Variants in BUB3 observed in about 807,000 individuals in gnomAD.
The protein encoded by BUB3 is mitotic checkpoint protein BUB3.
Under a neutral mutation model 39.9 loss-of-function variants are expected in BUB3, and 22 were observed. The ratio of observed to expected loss-of-function variants is 0.55; its 90% CI spans 0.39 to 0.79. The LOEUF is 0.79. BUB3 is among the 30% of genes least tolerant of loss of function. BUB3 has a pLI of 0.00. For missense variants in BUB3, 303 were observed against 415.4 expected (o/e 0.73, Z 2.35); for synonymous variants, 168 against 155.1 (o/e 1.08, Z -0.62).
Position 123,154,905 on chromosome 10 carries a change from G to C in BUB3, c.1-13G>C, listed in dbSNP as rs556338094. 1.2e-6 allele frequency: 2 copies of C among 1,607,980 alleles called. No individual in the cohort carries two copies. Among genetic ancestry groups the C allele is most frequent in the Non-Finnish European group, 8.5e-7 (1 of 1,176,734 alleles). The stretch of plus-strand genomic sequence containing the variant: ...CGCGGGACCCCTGGGGACTCTGGGC[G>C]CCTGTTCTGCAGATGACCGGTTCTA... On this transcript the variant is annotated splice_polypyrimidine_tract_variant and intron_variant, in intron 1 of 7. Coordinates refer to ENST00000368865, the MANE Select transcript of BUB3 (RefSeq NM_004725.4).
At position 123,154,940 on chromosome 10, in the gene BUB3, A is replaced by G. The variant is rs867858684; in HGVS notation, c.23A>G (p.Lys8Arg). 20 of 1,613,852 alleles carry G rather than the reference A, an allele frequency of 1.2e-5. No homozygotes were observed. The Admixed American group carries it at 1.3e-4, about 11-fold the overall frequency. Reference protein sequence around the residue: MTGSNEFKLNQPPEDGIS... With the variant: MTGSNEFRLNQPPEDGIS... ...CAGATGACCGGTTCTAACGAGTTCA[A>G]GCTGAACCAGCCACCCGAGGATGGC... The change falls in exon 2 of 8, where the codon AAG becomes AGG. Residue 8 changes from lysine to arginine, a missense_variant. Lys to Arg is a conservative substitution (Grantham distance 26). Coordinates refer to ENST00000368865, the MANE Select transcript of BUB3 (RefSeq NM_004725.4).
intron 1 of BUB3, 54 bp from the exon 2 acceptor site, chr10:123,154,864 G>T (rs1844326737): frequency 2.6e-6 from 4 of 1,551,344 alleles, no homozygotes; most frequent in Non-Finnish European, 2.6e-6. Flanking sequence ...CAGGCTGTCA[G>T]TGCGCAGCCC....
intron 4 of BUB3, among the ~76,000 whole-genome samples, chr10:123,158,415 G>A (rs1844377751): frequency 6.6e-6 from 1 of 152,178 alleles, no homozygotes; most frequent in Non-Finnish European, 1.5e-5. Context: ...AGTGAACAAA[G>A]CTTTTTAAAA....
chr10:123,156,411 T>C (rs1450261679), intron 3 of BUB3, among the ~76,000 whole-genome samples: 1 of 152,100 alleles, frequency 6.6e-6, no homozygotes, highest in African/African-American at 2.4e-5. Flanking sequence ...GATAGGAGGG[T>C]ACAGAGATAT....
At chr10:123,159,770 C>T (rs929441266) in intron 4 of BUB3, among the ~76,000 whole-genome samples, 3 of 152,120 alleles carry the variant, frequency 2.0e-5, no homozygotes, top group Non-Finnish European at 4.4e-5. Flanking sequence ...ACAAGAATTG[C>T]TTTGTCATAT....
chr10:123,161,866 G>A (rs962538698), intron 5 of BUB3, among the ~76,000 whole-genome samples: 2 of 152,278 alleles, frequency 1.3e-5, no homozygotes, highest in Non-Finnish European at 2.9e-5. Flanking sequence ...ACAGTTGTTC[G>A]CGATGAAGAG....
chr10:123,154,903 G>A lies in BUB3; in HGVS notation c.1-15G>A. 6.4e-7 allele frequency: 1 copy of A among 1,562,768 alleles called. No individual in the cohort carries two copies. Among genetic ancestry groups the A allele is most frequent in the East Asian group, 2.4e-5 (1 of 42,044 alleles). On this transcript the variant is annotated splice_polypyrimidine_tract_variant and intron_variant, in intron 1 of 7. Transcript: ENST00000368865. ...CCCGCGGGACCCCTGGGGACTCTGG[G>A]CGCCTGTTCTGCAGATGACCGGTTC...
intron 4 of BUB3, among the ~76,000 whole-genome samples, chr10:123,158,191 G>A (rs182772224): frequency 1.8e-3 from 275 of 152,266 alleles, no homozygotes; most frequent in African/African-American, 6.3e-3. Context: ...CAGACTGTTC[G>A]ATTGTCTTAA....
intron 4 of BUB3, among the ~76,000 whole-genome samples, chr10:123,158,469 A>G (rs138522150): frequency 6.6e-5 from 10 of 152,362 alleles, no homozygotes; most frequent in African/African-American, 1.9e-4. Context: ...CTGTATGATA[A>G]AAGTGTAATT....
rs1377122444 is a variant in BUB3, at chr10:123,168,613, G to T, written c.*4778G>T. ...GCCCAGGCTGGAGTGCAAGTGGCGC[G>T]ATCTCCGCTCATTGCAAGCTCCGCC... is the stretch of plus-strand genomic sequence containing the variant. On this transcript the variant is annotated 3_prime_UTR_variant, in exon 8 of 8. Coordinates refer to ENST00000368865, the MANE Select transcript of BUB3 (RefSeq NM_004725.4). 6.6e-6 allele frequency: 1 copy of T among 152,014 alleles called. No individual in the cohort carries two copies. Among genetic ancestry groups the T allele is most frequent in the South Asian group, 2.1e-4 (1 of 4,818 alleles). 9.4% of individuals were successfully genotyped at this position (152,014 alleles called of 1,614,324 possible).
rs1235636908 is a variant in BUB3, at chr10:123,164,195, T to C, written c.*360T>C. ...CTTTGCATTCTTTCTGGACCTTAAA[T>C]GGTAGAGGAAAAGGCTCGTGAGCCA... On this transcript the variant is annotated 3_prime_UTR_variant, in exon 8 of 8. Transcript: ENST00000368865. 7.0e-6 allele frequency: 7 copies of C among 1,005,148 alleles called. No individual in the cohort carries two copies. In the East Asian group the frequency reaches 6.0e-4, roughly 86 times the overall value. The allele number at this position is 1,005,148 out of a possible 1,614,324, so 62.3% of individuals were successfully genotyped here.
chr10:123,154,809 C>T, intron 1 of BUB3, 109 bp from the exon 2 acceptor site: 1 of 1,204,720 alleles, frequency 8.3e-7, no homozygotes, highest in Non-Finnish European at 1.2e-6. Context: ...AGAGTCTCCT[C>T]GCGGTCGTCC....
chr10:123,163,801 T>A lies in BUB3; in HGVS notation c.972-19T>A. ...CCATTTTGATCTCATGCTGTTCTTTTTTTCTTTTGAACTTGTAGGTCACCA... is the reference window on the plus strand; with the variant it reads ...CCATTTTGATCTCATGCTGTTCTTTATTTCTTTTGAACTTGTAGGTCACCA... On this transcript the variant is annotated intron_variant, in intron 7 of 7. Transcript: ENST00000368865. 1 of 1,600,698 alleles carries A rather than the reference T, an allele frequency of 6.2e-7. No individual in the cohort carries two copies. The highest frequency in any genetic ancestry group is 8.6e-7 in the Non-Finnish European group (1 of 1,169,196).
In BUB3 at chr10:123,157,855, C is replaced by T; in HGVS notation, c.392C>T (p.Ala131Val). The T allele has an allele frequency of 6.2e-7, 1 of 1,613,482 alleles. No individual in the cohort carries two copies. The highest frequency in any genetic ancestry group is 1.1e-5 in the South Asian group (1 of 90,882). The change falls in exon 4 of 8, where the codon GCT (alanine) becomes GTT (valine). Residue 131 changes from alanine to valine, a missense_variant. Physicochemically the swap from Ala to Val is moderately conservative, Grantham distance 64. Around this residue, in one of 2 missense-constraint regions of BUB3, gnomAD observed 182 missense variants for 293.1 expected, o/e 0.62. Coordinates refer to ENST00000368865, the MANE Select transcript of BUB3 (RefSeq NM_004725.4). ...TGGGATCCCAGAACTCCTTGTAATGCTGGGACCTTCTCTCAGCCTGAAAAG... is the reference window on the plus strand; with the variant it reads ...TGGGATCCCAGAACTCCTTGTAATGTTGGGACCTTCTCTCAGCCTGAAAAG... Reference protein sequence around the residue: ...KLWDPRTPCNAGTFSQPEKVY... With the variant: ...KLWDPRTPCNVGTFSQPEKVY...
chr10:123,160,476 G>T lies in BUB3; in HGVS notation c.487G>T (p.Asp163Tyr). ...AGCAGGCCGCAGAGTGTTGGTGTGG[G>T]ACTTACGGAACATGGGTTACGTGCA... Reference protein sequence around the residue: ...GTAGRRVLVWDLRNMGYVQQR... With the variant: ...GTAGRRVLVWYLRNMGYVQQR... Residue 163 changes from aspartate (D) to tyrosine (Y), a missense_variant, in exon 5 of 8, where the codon GAC (aspartate) becomes TAC (tyrosine). By Grantham distance (160) the Asp-to-Tyr change is radical (BLOSUM62 -3). Transcript: ENST00000368865. 6.2e-7 allele frequency: 1 copy of T among 1,613,504 alleles called. No homozygotes were observed. Among genetic ancestry groups the T allele is most frequent in the Non-Finnish European group, 8.5e-7 (1 of 1,179,946 alleles).
At chr10:123,155,171 G>A in intron 2 of BUB3, 59 bp downstream of exon 2, 1 of 1,553,582 alleles carries the variant, frequency 6.4e-7, no homozygotes, top group Non-Finnish European at 8.7e-7. Context: ...CTCCACGTGA[G>A]GAGCGTTTCT....
In BUB3 at chr10:123,164,978, TTA is replaced by T; in HGVS notation, c.*1144_*1145del. 6.7e-7 allele frequency: 1 copy of T among 1,497,952 alleles called. No homozygotes were observed. Among genetic ancestry groups the T allele is most frequent in the South Asian group, 1.3e-5 (1 of 79,178 alleles). The allele number at this position is 1,497,952 out of a possible 1,614,324, so 92.8% of individuals were successfully genotyped here. On this transcript the variant is annotated 3_prime_UTR_variant, in exon 8 of 8. Coordinates refer to ENST00000368865, the MANE Select transcript of BUB3 (RefSeq NM_004725.4). The stretch of plus-strand genomic sequence containing the variant: ...GATACAGAGAAGGGTCTTTTTTTTT[TTA>T]AGTATTTCAGTGAAAACTTGGTGTA...
At chr10:123,158,854 T>C (rs1476485951) in intron 4 of BUB3, among the ~76,000 whole-genome samples, 2 of 152,208 alleles carry the variant, frequency 1.3e-5, no homozygotes, top group Non-Finnish European at 2.9e-5. Flanking sequence ...TGTCACTTTT[T>C]TTAATACTTT....
intron 7 of BUB3, 23 bp from the exon 8 acceptor site, chr10:123,163,797 C>G (rs1408314610): frequency 1.9e-6 from 3 of 1,596,832 alleles, no homozygotes; most frequent in Non-Finnish European, 2.6e-6. Flanking sequence ...TCATGCTGTT[C>G]TTTTTTTCTT....
Sources: allele counts gnomAD v4.1 joint callset (sites outside exome capture counted in the v4.1 genomes callset), GRCh38; gene constraint gnomAD v4.1.1; regional missense constraint gnomAD v4.1.1; transcripts MANE v1.5; gene names NCBI Gene and HGNC (gene_info 2026-07-23, HGNC 2026-07-21).